The following PAK3 variants were observed in gnomAD, a reference collection of about 807,000 sequenced individuals.
PAK3 encodes serine/threonine-protein kinase PAK 3.
PAK3 carries 4 observed loss-of-function variants against 41.0 expected under a neutral mutation model. The ratio of observed to expected loss-of-function variants is 0.10; its 90% CI spans 0.05 to 0.22. The LOEUF is 0.22. Ranked by LOEUF, PAK3 falls within the 10% of genes least tolerant of loss-of-function variation. The probability of loss-of-function intolerance (pLI) is 1.00; values close to 1 mark genes in which losing one functional copy is unlikely to be tolerated. For synonymous variants in PAK3, 146 were observed against 139.6 expected, an observed-to-expected ratio of 1.05 and a Z score of -0.32; for missense variants, 205 against 409.9, an observed-to-expected ratio of 0.50 and a Z score of 4.32.
chrX:111,183,199 C>T (rs1480216704), intron 11 of PAK3, among the ~76,000 whole-genome samples: 2 of 111,545 alleles, frequency 1.8e-5, no homozygotes, highest in African/African-American at 3.3e-5. Flanking sequence ...GTTTCAATGT[C>T]CTCATTTGCA....
At chrX:111,116,674 T>A (rs945104290) in intron 4 of PAK3, among the ~76,000 whole-genome samples, 24 of 112,305 alleles carry the variant, frequency 2.1e-4, no homozygotes, top group African/African-American at 6.8e-4. Context: ...AATGTCAAGT[T>A]CCTGCTGAAA....
At chrX:111,016,357 G>A (rs2092089576) in intron 1 of PAK3, among the ~76,000 whole-genome samples, 1 of 111,478 alleles carries the variant, frequency 9.0e-6, no homozygotes, top group Non-Finnish European at 1.9e-5. Flanking sequence ...ATACGGAAAG[G>A]TCCCCATAAA....
In PAK3 at chrX:111,049,969, G is replaced by C. The variant is rs1198888878; in HGVS notation, c.-27-73108G>C. Reference sequence around the variant, plus strand: ...CAGGAAGGACTGAGGAGAAGATAGAGATTAGGTACATAATCAGCATAGCCA... The same window carrying C: ...CAGGAAGGACTGAGGAGAAGATAGACATTAGGTACATAATCAGCATAGCCA... On this transcript the variant is annotated intron_variant, in intron 1 of 14. Coordinates refer to the PAK3 transcript ENST00000425146. Among the ~76,000 whole-genome samples, 4 of 111,310 alleles carry C rather than the reference G, an allele frequency of 3.6e-5. No individual in the cohort carries two copies. In the Admixed American group the frequency reaches 3.8e-4, roughly 11 times the overall value.
At chrX:111,024,296 C>A (rs1170515368) in intron 1 of PAK3, among the ~76,000 whole-genome samples, 2 of 111,252 alleles carry the variant, frequency 1.8e-5, no homozygotes, top group Non-Finnish European at 3.8e-5. Flanking sequence ...GTTACTGTAG[C>A]CTTGTAGTAT....
intron 17 of PAK3, chrX:111,217,075 A>T: frequency 1.4e-6 from 1 of 715,682 alleles, no homozygotes; most frequent in Non-Finnish European, 1.7e-6. Context: ...GCTCCCAGGG[A>T]TTAGTATACA....
intron 14 of PAK3, among the ~76,000 whole-genome samples, chrX:111,194,979 G>A (rs2094597891): frequency 8.9e-6 from 1 of 111,814 alleles, no homozygotes; most frequent in Non-Finnish European, 1.9e-5. Context: ...CTAAATTAAA[G>A]AGATGTTATT....
rs2094920894 is a variant in PAK3, at chrX:111,220,671, A to G, written c.*224A>G. ...AGGGCAGCAATGTTGAAGTGACCAT[A>G]AAGTGGTCACTTCCACCGTGAAGCG... is the stretch of plus-strand genomic sequence containing the variant. On this transcript the variant is annotated 3_prime_UTR_variant, in exon 18 of 18. Transcript: ENST00000372007. 4.8e-6 allele frequency: 2 copies of G among 414,655 alleles called. No homozygotes were observed. Among genetic ancestry groups the G allele is most frequent in the African/African-American group, 2.5e-5 (1 of 39,714 alleles). 34.2% of individuals were successfully genotyped at this position (414,655 alleles called of 1,213,427 possible).
intron 1 of PAK3, among the ~76,000 whole-genome samples, chrX:111,087,600 G>T (rs1482386495): frequency 5.5e-5 from 6 of 109,905 alleles, no homozygotes; most frequent in Non-Finnish European, 1.1e-4. Flanking sequence ...GTGTGACTGA[G>T]TTCTGTTTGG....
At chrX:111,019,263 C>T (rs915127108) in intron 1 of PAK3, among the ~76,000 whole-genome samples, 1 of 111,030 alleles carries the variant, frequency 9.0e-6, no homozygotes, top group African/African-American at 3.3e-5. Flanking sequence ...AAATTAAAAA[C>T]CTTTATGTAT....
At chrX:110,953,677 A>G (rs969792721) in intron 1 of PAK3, among the ~76,000 whole-genome samples, 5 of 111,814 alleles carry the variant, frequency 4.5e-5, no homozygotes, top group African/African-American at 1.6e-4. Context: ...GGGGAAGTCC[A>G]GGTCACCTAG....
intron 1 of PAK3, among the ~76,000 whole-genome samples, chrX:110,971,919 A>G (rs1196815819): frequency 9.0e-6 from 1 of 111,604 alleles, no homozygotes; most frequent in African/African-American, 3.3e-5. Context: ...CAGCACCATT[A>G]GTTGAAAAGA....
chrX:111,053,229 A>G (rs758602093), intron 1 of PAK3, among the ~76,000 whole-genome samples: 1 of 110,622 alleles, frequency 9.0e-6, no homozygotes, highest in Non-Finnish European at 1.9e-5. Flanking sequence ...ATGAGTTTCC[A>G]TTACTGGCTT....
At chrX:111,099,486 A>G (rs895657095) in intron 3 of PAK3, among the ~76,000 whole-genome samples, 3 of 110,291 alleles carry the variant, frequency 2.7e-5, no homozygotes, top group Admixed American at 1.9e-4. Context: ...ACTGGTGGGA[A>G]GAGGAAATCA....
chrX:111,035,010 G>A (rs1427044309), intron 1 of PAK3, among the ~76,000 whole-genome samples: 1 of 105,582 alleles, frequency 9.5e-6, no homozygotes, highest in Non-Finnish European at 1.9e-5. Flanking sequence ...AGGGGCTGAG[G>A]TGGAAGGATG....
At chrX:111,123,485 C>A in intron 5 of PAK3, among the ~76,000 whole-genome samples, 1 of 112,550 alleles carries the variant, frequency 8.9e-6, no homozygotes, top group Middle Eastern at 4.6e-3. Context: ...ACTATGTTTG[C>A]TTTTCACATA....
At chrX:111,162,206 A>G (rs1057118337) in intron 8 of PAK3, among the ~76,000 whole-genome samples, 1 of 112,252 alleles carries the variant, frequency 8.9e-6, no homozygotes, top group Non-Finnish European at 1.9e-5. Context: ...TTACCACTGT[A>G]TTAACATGAG....
At chrX:111,033,480 A>G (rs1410979217) in intron 1 of PAK3, among the ~76,000 whole-genome samples, 1 of 111,980 alleles carries the variant, frequency 8.9e-6, no homozygotes, top group Non-Finnish European at 1.9e-5. Flanking sequence ...ACTCAATGAA[A>G]TGGAACTTGC....
intron 8 of PAK3, among the ~76,000 whole-genome samples, chrX:111,158,446 C>G (rs1254687898): frequency 8.9e-6 from 1 of 112,083 alleles, no homozygotes; most frequent in Non-Finnish European, 1.9e-5. Context: ...AGTCCCAGTA[C>G]TATTTACACA....
intron 5 of PAK3, 68 bp from the exon 6 acceptor site, chrX:111,142,028 C>T: frequency 1.6e-6 from 1 of 612,016 alleles, no homozygotes; most frequent in Admixed American, 2.2e-5. Flanking sequence ...TTTGATGAAC[C>T]TAATTGTACA....
Sources: gnomAD v4.1 joint callset for allele counts (sites outside exome capture counted in the v4.1 genomes callset) on GRCh38, gnomAD v4.1.1 for gene constraint, MANE v1.5 for transcripts, NCBI Gene and HGNC (gene_info 2026-07-23, HGNC 2026-07-21) for gene names.